Variants in ABR observed in about 807,000 individuals in gnomAD.
ABR encodes the protein ABR activator of RhoGEF and GTPase, also known as active breakpoint cluster region-related protein.
Under a neutral mutation model 107.2 loss-of-function variants are expected in ABR, and 35 were observed. The ratio of observed to expected loss-of-function variants is 0.33; its 90% CI spans 0.25 to 0.43. ABR has a LOEUF of 0.43. ABR is among the 20% of genes least tolerant of loss of function. The pLI is 1.00. For synonymous variants in ABR, 498 were observed against 462.0 expected, an observed-to-expected ratio of 1.08 and a Z score of -1.00; for missense variants, 815 against 1,115.2, an observed-to-expected ratio of 0.73 and a Z score of 3.83.
In ABR at chr17:1,050,132, T is replaced by G; in HGVS notation, c.1709A>C (p.Tyr570Ser). ...CTTGGTCTTGTCATAGCACTTCTCATAGCACAGGATCCTCAGGGACTGGGA... is the reference window on the plus strand; with the variant it reads ...CTTGGTCTTGTCATAGCACTTCTCAGAGCACAGGATCCTCAGGGACTGGGA... ...EGSQSLRILCYEKCYDKTKVN... is the reference protein window; with the variant it reads ...EGSQSLRILCSEKCYDKTKVN... The change falls in exon 16 of 23, where the codon TAT (tyrosine) becomes TCT (serine). Residue 570 changes from tyrosine (Y) to serine (S), a missense_variant. By Grantham distance (144) the Tyr-to-Ser change is moderately radical. Transcript: ENST00000302538. The surrounding 1 kb of genome is among the most constrained non-coding windows in gnomAD (Gnocchi z 4.6). 6.2e-7 allele frequency: 1 copy of G among 1,614,062 alleles called. No individual in the cohort carries two copies. Among genetic ancestry groups the G allele is most frequent in the Non-Finnish European group, 8.5e-7 (1 of 1,179,994 alleles).
chr17:1,066,524 A>G (rs1277775143), intron 10 of ABR, among the ~76,000 whole-genome samples: 4 of 143,688 alleles, frequency 2.8e-5, no homozygotes, highest in South Asian at 4.4e-4. Context: ...GCTTCCCTCT[A>G]CCTCCACTTT....
At chr17:1,113,657 T>C (rs1337534683) in intron 2 of ABR, among the ~76,000 whole-genome samples, 1 of 152,176 alleles carries the variant, frequency 6.6e-6, no homozygotes, top group African/African-American at 2.4e-5. Context: ...CCCCGTTGGC[T>C]GCGTCAGATG....
intron 1 of ABR, among the ~76,000 whole-genome samples, chr17:1,170,468 A>C (rs1056532323): frequency 2.0e-5 from 3 of 152,074 alleles, no homozygotes; most frequent in African/African-American, 7.2e-5. Context: ...ATGGAGTCTC[A>C]TTCTGTCGCC....
intron 1 of ABR, among the ~76,000 whole-genome samples, chr17:1,166,470 G>A (rs926637104): frequency 6.6e-6 from 1 of 152,222 alleles, no homozygotes; most frequent in Non-Finnish European, 1.5e-5. Context: ...GGGAAACCGG[G>A]AGAGGCTCAG....
intron 16 of ABR, among the ~76,000 whole-genome samples, chr17:1,034,856 CGCCGGGTGTGGGGGAGAAGGGG>C (rs1270865218): frequency 2.0e-5 from 3 of 152,122 alleles, no homozygotes; most frequent in Non-Finnish European, 4.4e-5. Flanking sequence ...CCCTCCCTGC[CGCCGGGTGTGGGGGAGAAGGGG>C]GCCGTGTGAA....
In ABR at chr17:1,051,328, G is replaced by A. The variant is rs369744407; in HGVS notation, c.1562-694C>T. Among the ~76,000 whole-genome samples the A allele has an allele frequency of 6.6e-6, 1 of 152,052 alleles. No homozygotes were observed. The highest frequency in any genetic ancestry group is 1.5e-5 in the Non-Finnish European group (1 of 68,006). On this transcript the variant is annotated intron_variant, in intron 14 of 22. Coordinates refer to ENST00000302538, the MANE Select transcript of ABR (RefSeq NM_021962.5). The surrounding 1 kb of genome is among the most constrained non-coding windows in gnomAD (Gnocchi z 4.3). Reference sequence around the variant, plus strand: ...GGTTTTCCTGCCTGCCGGTGTACCCGCAGTACCAAGAACAGGGCTGGGAAC... The same window carrying A: ...GGTTTTCCTGCCTGCCGGTGTACCCACAGTACCAAGAACAGGGCTGGGAAC...
In ABR at chr17:1,103,924, T is replaced by C. The variant is rs143676262; in HGVS notation, c.247-3189A>G. 9.5e-4 allele frequency among the ~76,000 whole-genome samples: 145 copies of C among 152,284 alleles called. 2 individuals are homozygous for C. The East Asian group carries it at 0.025, about 26-fold the overall frequency. ...CTCCACAATTCCCAGTTTAGAGCCA[T>C]GAGGAAATTCACATTGTTTCTTCAG... On this transcript the variant is annotated intron_variant, in intron 2 of 22. Coordinates refer to ENST00000302538, the MANE Select transcript of ABR (RefSeq NM_021962.5).
At chr17:1,018,659 C>T (rs1010601769) in intron 16 of ABR, among the ~76,000 whole-genome samples, 3 of 152,134 alleles carry the variant, frequency 2.0e-5, no homozygotes, top group East Asian at 3.8e-4. Context: ...CCCATTCAAC[C>T]GTGCGCACTC....
At position 1,071,449 on chromosome 17, in the gene ABR, C is replaced by T. The variant is rs537787336; in HGVS notation, c.894+1165G>A. On this transcript the variant is annotated intron_variant, in intron 8 of 22. Transcript: ENST00000302538. This position sits in a 1 kb window ranked among gnomAD's most constrained non-coding sequence, Gnocchi z 5.1. ...TCCCCTGGACAGGAAGCCTTTCACCCGGGCCCGGCTGCCAATCCACGAAGG... is the reference window on the plus strand; with the variant it reads ...TCCCCTGGACAGGAAGCCTTTCACCTGGGCCCGGCTGCCAATCCACGAAGG... Among the ~76,000 whole-genome samples the T allele has an allele frequency of 3.9e-5, 6 of 152,312 alleles. No homozygotes were observed. Among genetic ancestry groups the T allele is most frequent in the East Asian group, 3.9e-4 (2 of 5,174 alleles).
chr17:1,166,499 G>A (rs890593902), intron 1 of ABR, among the ~76,000 whole-genome samples: 2 of 152,176 alleles, frequency 1.3e-5, no homozygotes, highest in African/African-American at 2.4e-5. Context: ...GAGGCCCGGG[G>A]GTGTGGCAGT....
Position 1,027,460 on chromosome 17 carries a change from C to T in ABR, c.1792-14296G>A, listed in dbSNP as rs1278351896. On this transcript the variant is annotated intron_variant, in intron 16 of 22. Coordinates refer to ENST00000302538, the MANE Select transcript of ABR (RefSeq NM_021962.5). This position sits in a 1 kb window ranked among gnomAD's most constrained non-coding sequence, Gnocchi z 4.7. ...GAACCTTCATCAGATTCTCAGAGTC[C>T]AGGGTTCCCGCTCTGCGGACTCAAG... 6.6e-6 allele frequency among the ~76,000 whole-genome samples: 1 copy of T among 152,168 alleles called. No individual in the cohort carries two copies. Among genetic ancestry groups the T allele is most frequent in the Admixed American group, 6.5e-5 (1 of 15,276 alleles).
chr17:1,023,212 C>T (rs2071864080), intron 16 of ABR, among the ~76,000 whole-genome samples: 1 of 152,274 alleles, frequency 6.6e-6, no homozygotes, highest in Non-Finnish European at 1.5e-5. Context: ...CACTCCAGAG[C>T]CTCTGCCTGC....
At chr17:1,099,844 C>A (rs931056766) in intron 3 of ABR, among the ~76,000 whole-genome samples, 1 of 152,144 alleles carries the variant, frequency 6.6e-6, no homozygotes, top group South Asian at 2.1e-4. Flanking sequence ...AGAACACAGA[C>A]AGGCCGGGCG....
At chr17:1,029,051 T>G (rs1597440808) in intron 16 of ABR, among the ~76,000 whole-genome samples, 2 of 137,898 alleles carry the variant, frequency 1.5e-5, no homozygotes, top group Admixed American at 7.6e-5. Flanking sequence ...GAGGGAAGGA[T>G]GGGAGGGAGA....
chr17:1,026,769 G>A (rs550240315), intron 16 of ABR, among the ~76,000 whole-genome samples: 6 of 152,314 alleles, frequency 3.9e-5, no homozygotes, highest in African/African-American at 9.6e-5. Context: ...GAGTTCACAG[G>A]GGAAACGAGG....
rs1245776222 is a variant in ABR at position 1,150,634 on chromosome 17, G to C, written c.62-25267C>G. On this transcript the variant is annotated intron_variant, in intron 1 of 22. Transcript: ENST00000302538. The surrounding 1 kb of genome is among the most constrained non-coding windows in gnomAD (Gnocchi z 4.8). The stretch of plus-strand genomic sequence containing the variant: ...CAGTCCTAGATCTGAGCTCCTTCCT[G>C]GGAGTCCAGGGCCCTTCACAAGTTT... 6.6e-6 allele frequency among the ~76,000 whole-genome samples: 1 copy of C among 152,172 alleles called. No individual in the cohort carries two copies. The highest frequency in any genetic ancestry group is 1.5e-5 in the Non-Finnish European group (1 of 68,030).
At chr17:1,090,438 G>A (rs1198931131) in intron 4 of ABR, among the ~76,000 whole-genome samples, 1 of 152,180 alleles carries the variant, frequency 6.6e-6, no homozygotes, top group East Asian at 1.9e-4. Flanking sequence ...AGCCACACAG[G>A]AGGATACGCA....
rs1384051361 is a variant in ABR, at chr17:1,071,798, C to A, written c.894+816G>T. 6.6e-6 allele frequency among the ~76,000 whole-genome samples: 1 copy of A among 152,264 alleles called. No individual in the cohort carries two copies. The highest frequency in any genetic ancestry group is 2.4e-5 in the African/African-American group (1 of 41,484). Reference sequence around the variant, plus strand: ...CGGAGGCCACTTCCCCGGCGTGGGCCTCCAGACAGTCCCAGGTGAGGAATC... The same window carrying A: ...CGGAGGCCACTTCCCCGGCGTGGGCATCCAGACAGTCCCAGGTGAGGAATC... On this transcript the variant is annotated intron_variant, in intron 8 of 22. Transcript: ENST00000302538. This position sits in a 1 kb window ranked among gnomAD's most constrained non-coding sequence, Gnocchi z 5.1.
At chr17:1,182,317 T>C (rs1238498518), upstream of ABR, 1 of 152,248 alleles carries the variant, frequency 6.6e-6, no homozygotes, top group Admixed American at 6.5e-5. Flanking sequence ...AGAGGGTAAG[T>C]GAGGGCTGGG....
Sources: gnomAD v4.1 joint callset for allele counts (sites outside exome capture counted in the v4.1 genomes callset) on GRCh38, gnomAD v4.1.1 for gene constraint, Gnocchi (gnomAD v3.1) non-coding constraint, MANE v1.5 for transcripts, NCBI Gene and HGNC (gene_info 2026-07-23, HGNC 2026-07-21) for gene names.